Variants in HSF1 observed in about 807,000 individuals in gnomAD.
HSF1 encodes heat shock transcription factor 1.
In HSF1, 32 loss-of-function variants were observed where a neutral mutation model predicts 51.7. The ratio of observed to expected loss-of-function variants is 0.62; its 90% confidence interval spans 0.47 to 0.83. The LOEUF (loss-of-function observed/expected upper bound fraction) is 0.83, where lower values mean the gene tolerates loss of function less well. Ranked by LOEUF, HSF1 falls within the 40% of genes least tolerant of loss-of-function variation. HSF1 has a pLI of 0.00. For missense variants in HSF1, 727 were observed against 717.0 expected (o/e 1.01, Z -0.16); for synonymous variants, 396 against 309.7 (o/e 1.28, Z -2.92).
chr8:144,307,385 C>T (rs1457375470), intron 1 of HSF1, among the ~76,000 whole-genome samples: 5 of 152,184 alleles, frequency 3.3e-5, no homozygotes, highest in African/African-American at 7.2e-5. Flanking sequence ...GCTGTTCCCA[C>T]GGGGACTGCA....
chr8:144,311,897 G>A lies in HSF1; in HGVS notation c.860+61G>A, dbSNP rs1409778316. 2.5e-6 allele frequency: 4 copies of A among 1,582,400 alleles called. No individual in the cohort carries two copies. The African/African-American group carries it at 5.4e-5, about 21-fold the overall frequency. On this transcript the variant is annotated intron_variant, in intron 8 of 12. Coordinates refer to ENST00000528838, the MANE Select transcript of HSF1 (RefSeq NM_005526.4). ...AATGAGGCGAGCCCCTGTGGGCCCA[G>A]GGCAGAGTTGGGGATGAGGTGGGGC...
In HSF1 at chr8:144,311,262, C is replaced by T. The variant is rs1816629458; in HGVS notation, c.564+13C>T. On this transcript the variant is annotated intron_variant, in intron 5 of 12. Transcript: ENST00000528838. The stretch of plus-strand genomic sequence containing the variant: ...AGTCGTCAACAAGGTGGGGGCAGGG[C>T]CAGAGGGCCGGCGGGGGCCCCACAA... 1 of 1,613,300 alleles carries T rather than the reference C, an allele frequency of 6.2e-7. No individual in the cohort carries two copies.
intron 2 of HSF1, 88 bp downstream of exon 2, chr8:144,309,102 C>T (rs1280252718): frequency 2.0e-5 from 21 of 1,072,862 alleles, no homozygotes; most frequent in Non-Finnish European, 2.6e-5. Context: ...TGATGAAGGA[C>T]GGGGCGTCCT....
chr8:144,313,627 CCCCG>C lies in HSF1; in HGVS notation c.1248+14_1248+17del. ...AGTGCCCTGCTGGACGTGAGTGGAG[CCCCG>C]CCGCCCCGCCTCCCCGCCCCGCCTC... is the stretch of plus-strand genomic sequence containing the variant. On this transcript the variant is annotated intron_variant, in intron 10 of 12. Transcript: ENST00000528838. 1 of 1,253,168 alleles carries C rather than the reference CCCCG, an allele frequency of 8.0e-7. No individual in the cohort carries two copies. Among genetic ancestry groups the C allele is most frequent in the Non-Finnish European group, 1.1e-6 (1 of 920,906 alleles). 77.6% of individuals were successfully genotyped at this position (1,253,168 alleles called of 1,614,324 possible).
Position 144,312,123 on chromosome 8 carries a change from G to GC in HSF1, c.1026dup (p.Ala343ArgfsTer29). ...CTCCATCCTGCGGGAGAGTGAACCT[G>GC]CCCCCGCCTCCGTCACAGCCCTCAC... On this transcript the variant is annotated frameshift_variant, in exon 9 of 13. Coordinates refer to ENST00000528838, the MANE Select transcript of HSF1 (RefSeq NM_005526.4). LOFTEE classifies it high-confidence loss of function. The GC allele has an allele frequency of 6.2e-7, 1 of 1,612,174 alleles. No homozygotes were observed. The highest frequency in any genetic ancestry group is 8.5e-7 in the Non-Finnish European group (1 of 1,179,782).
Position 144,314,355 on chromosome 8 carries a change from C to CTG in HSF1, c.*25_*26insTG. The stretch of plus-strand genomic sequence containing the variant: ...GAGGCCCCGGAGGAGCTGGGCCAGC[C>CTG]GCCCACCCCCACCCCCAGTGCAGGG... On this transcript the variant is annotated 3_prime_UTR_variant, in exon 13 of 13. Coordinates refer to ENST00000528838, the MANE Select transcript of HSF1 (RefSeq NM_005526.4). The CTG allele has an allele frequency of 6.5e-7, 1 of 1,529,088 alleles. No individual in the cohort carries two copies. The highest frequency in any genetic ancestry group is 8.9e-7 in the Non-Finnish European group (1 of 1,129,330). The allele number at this position is 1,529,088 out of a possible 1,614,324, so 94.7% of individuals were successfully genotyped here. A position where few individuals can be genotyped will look rare whatever the true frequency, so the allele number is the denominator to read the frequency against.
At position 144,311,873 on chromosome 8, in the gene HSF1, A is replaced by G. The variant is rs531325019; in HGVS notation, c.860+37A>G. The G allele has an allele frequency of 1.2e-4, 183 of 1,586,978 alleles. 2 individuals are homozygous for G. In the South Asian group the frequency reaches 1.3e-3, roughly 11 times the overall value. On this transcript the variant is annotated intron_variant, in intron 8 of 12. Transcript: ENST00000528838. ...ATCACCCCAGCCATCCTGTCCCCCA[A>G]TGAGGCGAGCCCCTGTGGGCCCAGG...
In HSF1 at chr8:144,294,231, C is replaced by T. The variant is rs370065401; in HGVS notation, c.117+2357C>T. Among the ~76,000 whole-genome samples the T allele has an allele frequency of 1.3e-3, 197 of 152,258 alleles. 8 individuals are homozygous for T. In the South Asian group the frequency reaches 0.04, roughly 31 times the overall value. On this transcript the variant is annotated intron_variant, in intron 1 of 12. Coordinates refer to ENST00000528838, the MANE Select transcript of HSF1 (RefSeq NM_005526.4). ...CGCAGGGGGCTGCAGAGCTTTCCGG[C>T]GCTGGCTGCCTGGCCTGGAGAAAGG...
At position 144,297,143 on chromosome 8, in the gene HSF1, G is replaced by A. The variant is rs1815524450; in HGVS notation, c.117+5269G>A. On this transcript the variant is annotated intron_variant, in intron 1 of 12. Coordinates refer to ENST00000528838, the MANE Select transcript of HSF1 (RefSeq NM_005526.4). The surrounding 1 kb of genome is among the most constrained non-coding windows in gnomAD (Gnocchi z 4.6). ...CCTGTGTGCAGGGCGAGCTGGAGAG[G>A]GGTCGGTGGGGCTCACAGTGCCTTC... 6.6e-6 allele frequency among the ~76,000 whole-genome samples: 1 copy of A among 152,162 alleles called. No individual in the cohort carries two copies. Among genetic ancestry groups the A allele is most frequent in the African/African-American group, 2.4e-5 (1 of 41,418 alleles).
chr8:144,291,688 C>A lies in HSF1; in HGVS notation c.-70C>A. On this transcript the variant is annotated 5_prime_UTR_variant, in exon 1 of 13. Coordinates refer to ENST00000528838, the MANE Select transcript of HSF1 (RefSeq NM_005526.4). The surrounding 1 kb of genome is among the most constrained non-coding windows in gnomAD (Gnocchi z 4.1). ...GGCGCGGCCCGGAAGGCTGGCGCGG[C>A]GACGGCGTTAGCCCGGCCCTCGGCC... The A allele has an allele frequency of 3.3e-6, 3 of 898,540 alleles. No individual in the cohort carries two copies. Among genetic ancestry groups the A allele is most frequent in the Non-Finnish European group, 4.8e-6 (3 of 626,232 alleles). 55.7% of individuals were successfully genotyped at this position (898,540 alleles called of 1,614,324 possible). A position where few individuals can be genotyped will look rare whatever the true frequency, so the allele number is the denominator to read the frequency against.
chr8:144,311,350 G>A lies in HSF1; in HGVS notation c.594G>A (p.Gln198=), dbSNP rs782675416. ...KLIQFLISLV[Q]SNRILGVKRK... The stretch of plus-strand genomic sequence containing the variant: ...TTCAGTTCCTGATCTCACTGGTGCA[G>A]TCAAACCGGATCCTGGGGGTGAAGA... The change falls in exon 6 of 13, where the codon CAG becomes CAA. Residue 198 remains glutamine, a synonymous_variant. Transcript: ENST00000528838. The A allele has an allele frequency of 1.6e-5, 26 of 1,614,036 alleles. No individual in the cohort carries two copies. The East Asian group carries it at 5.6e-4, about 35-fold the overall frequency.
At position 144,297,988 on chromosome 8, in the gene HSF1, CA is replaced by C. The variant is rs1253792614; in HGVS notation, c.117+6116del. 6.6e-6 allele frequency among the ~76,000 whole-genome samples: 1 copy of C among 152,214 alleles called. No individual in the cohort carries two copies. Among genetic ancestry groups the C allele is most frequent in the Admixed American group, 6.5e-5 (1 of 15,274 alleles). ...GAGGCCACAGGCTCCAAGTTTACTG[CA>C]AGCTGCGGGGTTTGCTGACACCTAC... is the stretch of plus-strand genomic sequence containing the variant. On this transcript the variant is annotated intron_variant, in intron 1 of 12. Coordinates refer to ENST00000528838, the MANE Select transcript of HSF1 (RefSeq NM_005526.4). This position sits in a 1 kb window ranked among gnomAD's most constrained non-coding sequence, Gnocchi z 4.6.
At position 144,314,459 on chromosome 8, in the gene HSF1, G is replaced by A. The variant is rs1817088550; in HGVS notation, c.*129G>A. The A allele has an allele frequency of 5.3e-6, 4 of 757,692 alleles. No individual in the cohort carries two copies. The highest frequency in any genetic ancestry group is 8.6e-6 in the Non-Finnish European group (4 of 462,544). The allele number at this position is 757,692 out of a possible 1,614,324, so 46.9% of individuals were successfully genotyped here. On this transcript the variant is annotated 3_prime_UTR_variant, in exon 13 of 13. Transcript: ENST00000528838. ...CGCCATAGCCCCAGTAGGACAAACGGGCTCGGGTCTGGGCAGCACCTCTGG... is the reference window on the plus strand; with the variant it reads ...CGCCATAGCCCCAGTAGGACAAACGAGCTCGGGTCTGGGCAGCACCTCTGG...
Position 144,314,280 on chromosome 8 carries a change from C to T in HSF1, c.1540C>T (p.Leu514=). Residue 514 remains leucine (L), a synonymous_variant, in exon 13 of 13, where the codon CTG becomes TTG. Transcript: ENST00000528838. ...CTTCGCCGAGGACCCCACCATCTCC[C>T]TGCTGACAGGCTCGGAGCCTCCCAA... is the stretch of plus-strand genomic sequence containing the variant. ...DGFAEDPTIS[L]LTGSEPPKAK... is the part of the protein sequence containing the mutation. 1.3e-6 allele frequency: 2 copies of T among 1,551,140 alleles called. No homozygotes were observed. The highest frequency in any genetic ancestry group is 3.3e-4 in the Middle Eastern group (2 of 5,990).
rs150172908 is a variant in HSF1 at position 144,309,394 on chromosome 8, G to A, written c.227-61G>A. 1.2e-4 allele frequency: 199 copies of A among 1,600,876 alleles called. No homozygotes were observed. In the African/African-American group the frequency reaches 1.7e-3, roughly 14 times the overall value. Reference sequence around the variant, plus strand: ...GCAGCAGCCTCCTGGAGCAGTGGCCGCTCTTCAGGGGTTCTGGTCCCGCCC... The same window carrying A: ...GCAGCAGCCTCCTGGAGCAGTGGCCACTCTTCAGGGGTTCTGGTCCCGCCC... On this transcript the variant is annotated intron_variant, in intron 2 of 12. Transcript: ENST00000528838.
Position 144,314,350 on chromosome 8 carries a change from C to G in HSF1, c.*20C>G. 3.3e-6 allele frequency: 5 copies of G among 1,536,264 alleles called. No individual in the cohort carries two copies. The highest frequency in any genetic ancestry group is 2.7e-5 in the African/African-American group (2 of 72,858). On this transcript the variant is annotated 3_prime_UTR_variant, in exon 13 of 13. Transcript: ENST00000528838. ...TCCTAGAGGCCCCGGAGGAGCTGGG[C>G]CAGCCGCCCACCCCCACCCCCAGTG...
intron 1 of HSF1, among the ~76,000 whole-genome samples, chr8:144,298,087 G>T (rs1209566312): frequency 6.6e-6 from 1 of 152,156 alleles, no homozygotes; most frequent in Non-Finnish European, 1.5e-5. Flanking sequence ...GTGATATCCA[G>T]TTATGACCGG....
At chr8:144,309,132 C>A in intron 2 of HSF1, 118 bp downstream of exon 2, 1 of 833,416 alleles carries the variant, frequency 1.2e-6, no homozygotes, top group African/African-American at 1.7e-5. Flanking sequence ...AAGGGCATGG[C>A]GTGGGACCCT....
chr8:144,301,893 C>T lies in HSF1; in HGVS notation c.118-7013C>T, dbSNP rs373391997. Among the ~76,000 whole-genome samples the T allele has an allele frequency of 1.3e-3, 189 of 149,046 alleles. 18 individuals carry two copies. In the South Asian group the frequency reaches 0.036, roughly 28 times the overall value. On this transcript the variant is annotated intron_variant, in intron 1 of 12. Coordinates refer to ENST00000528838, the MANE Select transcript of HSF1 (RefSeq NM_005526.4). The stretch of plus-strand genomic sequence containing the variant: ...AAAAATAAAAAGCATCCAGAAGAGC[C>T]GTGCACGGTGGTGGTGCCTGTGGTG...
Sources: allele counts gnomAD v4.1 joint callset (sites outside exome capture counted in the v4.1 genomes callset), GRCh38; gene constraint gnomAD v4.1.1; non-coding constraint Gnocchi (gnomAD v3.1); transcripts MANE v1.5; gene names NCBI Gene and HGNC (gene_info 2026-07-23, HGNC 2026-07-21).